The following CNOT2 variants were observed in gnomAD, a reference collection of about 807,000 sequenced individuals.
The protein encoded by CNOT2 is CCR4-NOT transcription complex subunit 2, also known as CC chemokine receptor 4-negative regulator of transcription 2.
Under a neutral mutation model 72.1 loss-of-function variants are expected in CNOT2, and 7 were observed. The observed-to-expected ratio is 0.10, with a 90% CI of 0.06 to 0.18. The LOEUF is 0.18. CNOT2 is among the 10% of genes least tolerant of loss of function. The pLI is 1.00. For synonymous variants in CNOT2, 196 were observed against 225.6 expected, an observed-to-expected ratio of 0.87 and a Z score of 1.17; for missense variants, 345 against 660.3, an observed-to-expected ratio of 0.52 and a Z score of 5.23.
intron 6 of CNOT2, chr12:70,331,283 T>C (rs1410386475): frequency 1.3e-5 from 2 of 151,954 alleles, no homozygotes; most frequent in Non-Finnish European, 2.9e-5. Context: ...ACATTTACTG[T>C]TTAATCCTCA....
At chr12:70,262,478 T>C (rs1472991686) in intron 1 of CNOT2, among the ~76,000 whole-genome samples, 1 of 152,090 alleles carries the variant, frequency 6.6e-6, no homozygotes, top group Non-Finnish European at 1.5e-5. Context: ...GGTTTCACCG[T>C]GTTAGCCACG....
At chr12:70,346,155 T>TTA (rs1243220049) in intron 14 of CNOT2, 25 bp from the exon 15 acceptor site, 3 of 1,541,594 alleles carry the variant, frequency 1.9e-6, no homozygotes, top group Non-Finnish European at 2.7e-6. Context: ...AAAAAGTTAA[T>TTA]TATCTTTTCT....
At chr12:70,338,156 C>A in intron 9 of CNOT2, 2 of 259,786 alleles carry the variant, frequency 7.7e-6, no homozygotes, top group East Asian at 9.4e-5. Context: ...GCATAAAGAC[C>A]TGAGAAAGAG....
chr12:70,279,292 A>G (rs1869407821), intron 2 of CNOT2, among the ~76,000 whole-genome samples: 2 of 152,238 alleles, frequency 1.3e-5, no homozygotes. Flanking sequence ...TTTTTGGTGT[A>G]TGGTATAACA....
chr12:70,261,814 T>C (rs1242162024), intron 1 of CNOT2, among the ~76,000 whole-genome samples: 7 of 151,880 alleles, frequency 4.6e-5, no homozygotes, highest in African/African-American at 1.7e-4. Context: ...AATTCACCAG[T>C]GAAGCTGCCT....
At chr12:70,312,466 T>C (rs1352272697) in intron 3 of CNOT2, among the ~76,000 whole-genome samples, 2 of 151,944 alleles carry the variant, frequency 1.3e-5, no homozygotes, top group Non-Finnish European at 2.9e-5. Flanking sequence ...AGAGAATGAA[T>C]GACAAAGAGA....
intron 2 of CNOT2, chr12:70,285,719 A>G (rs888143932): frequency 1.3e-5 from 2 of 152,166 alleles, no homozygotes; most frequent in African/African-American, 4.8e-5. Context: ...CCCCAATATA[A>G]GCAGATGAGA....
chr12:70,302,567 T>C (rs1422581111), intron 2 of CNOT2, among the ~76,000 whole-genome samples: 2 of 152,230 alleles, frequency 1.3e-5, no homozygotes, highest in Admixed American at 6.5e-5. Context: ...TTGATTGCAC[T>C]GTGGTCTGAG....
At chr12:70,302,802 T>C (rs1344540528) in intron 2 of CNOT2, among the ~76,000 whole-genome samples, 3 of 152,190 alleles carry the variant, frequency 2.0e-5, no homozygotes, top group East Asian at 1.9e-4. Flanking sequence ...ATCTGTCTAA[T>C]GTTGACAGTG....
chr12:70,353,723 G>T (rs1883155818), intron 15 of CNOT2, 106 bp from the exon 16 acceptor site: 1 of 1,493,514 alleles, frequency 6.7e-7, no homozygotes. Flanking sequence ...TGTTGATGTT[G>T]ATTCATATAT....
chr12:70,338,649 G>A lies in CNOT2; in HGVS notation c.1022-17G>A. The A allele has an allele frequency of 1.9e-6, 3 of 1,603,538 alleles. No individual in the cohort carries two copies. The highest frequency in any genetic ancestry group is 2.6e-6 in the Non-Finnish European group (3 of 1,176,278). On this transcript the variant is annotated splice_polypyrimidine_tract_variant and intron_variant, in intron 10 of 15. Coordinates refer to ENST00000229195, the MANE Select transcript of CNOT2 (RefSeq NM_014515.7). ...CTTTTTCTTGAAAATAAAAGCAACT[G>A]TGTTTTTCCTACCCAGGTCGGGTTA...
In CNOT2 at chr12:70,318,170, C is replaced by T. The variant is rs142160759; in HGVS notation, c.172-1128C>T. Among the ~76,000 whole-genome samples the T allele has an allele frequency of 4.8e-3, 737 of 152,040 alleles. 1 individual carries two copies. Among genetic ancestry groups the T allele is most frequent in the African/African-American group, 0.017 (704 of 41,512 alleles). ...CTATTAGAGGTATCTTCCCAAAACC[C>T]ATTTTGATTGCCACCTTCTTGCTTA... is the stretch of plus-strand genomic sequence containing the variant. On this transcript the variant is annotated intron_variant, in intron 3 of 15. Coordinates refer to ENST00000229195, the MANE Select transcript of CNOT2 (RefSeq NM_014515.7).
chr12:70,343,444 G>A (rs527376388), intron 13 of CNOT2, among the ~76,000 whole-genome samples: 2 of 152,294 alleles, frequency 1.3e-5, no homozygotes, highest in South Asian at 4.1e-4. Flanking sequence ...CTACCTTGGG[G>A]AGAGAAATGT....
intron 13 of CNOT2, among the ~76,000 whole-genome samples, chr12:70,343,520 TTCA>T (rs893685384): frequency 6.6e-6 from 1 of 152,202 alleles, no homozygotes; most frequent in Non-Finnish European, 1.5e-5. Context: ...GATTTTTGTA[TTCA>T]TCATCTGTGA....
intron 1 of CNOT2, among the ~76,000 whole-genome samples, chr12:70,247,078 G>T (rs4761189): frequency 0.19 from 28,426 of 151,938 alleles, 3,069 homozygotes; most frequent in Admixed American, 0.33. Flanking sequence ...TTGTATATGC[G>T]TAGACTCAGG....
At chr12:70,284,647 A>T (rs1870556545) in intron 2 of CNOT2, among the ~76,000 whole-genome samples, 1 of 151,328 alleles carries the variant, frequency 6.6e-6, no homozygotes, top group African/African-American at 2.4e-5. Flanking sequence ...AGTAATGTCA[A>T]ATCAAGTTAA....
intron 6 of CNOT2, 35 bp from the exon 7 acceptor site, chr12:70,332,732 T>C: frequency 6.4e-7 from 1 of 1,568,200 alleles, no homozygotes; most frequent in Non-Finnish European, 8.6e-7. Flanking sequence ...TTAGTGTTCT[T>C]ACTGTATATC....
chr12:70,327,690 G>C (rs1879301755), intron 4 of CNOT2: 1 of 151,822 alleles, frequency 6.6e-6, no homozygotes, highest in African/African-American at 2.4e-5. Context: ...AGCATGTTTA[G>C]GGAGTAGAAT....
chr12:70,330,626 G>C, intron 6 of CNOT2, 157 bp downstream of exon 6: 1 of 455,132 alleles, frequency 2.2e-6, no homozygotes, highest in Non-Finnish European at 3.9e-6. Flanking sequence ...ATCACAAAAC[G>C]ATACGTTTTC....
Sources: allele counts gnomAD v4.1 joint callset (sites outside exome capture counted in the v4.1 genomes callset), GRCh38; gene constraint gnomAD v4.1.1; transcripts MANE v1.5; gene names NCBI Gene and HGNC (gene_info 2026-07-23, HGNC 2026-07-21).